LOXHD1: variants seen among roughly 807,000 people sequenced by gnomAD.
The protein encoded by LOXHD1 is lipoxygenase homology PLAT domains 1.
In LOXHD1, 205 loss-of-function variants were observed where a neutral mutation model predicts 248.2. The ratio of observed to expected loss-of-function variants is 0.83; its 90% confidence interval spans 0.74 to 0.93. The LOEUF is 0.93. Among genes scored for constraint, LOXHD1 ranks in the 40% least tolerant of loss-of-function variants. The pLI, the probability that LOXHD1 is intolerant of heterozygous loss-of-function variation, is 0.00. For synonymous variants in LOXHD1, 1,113 were observed against 1,162.8 expected (o/e 0.96, Z 0.87); for missense variants, 2,930 against 2,971.6 (o/e 0.99, Z 0.33).
At chr18:46,590,034 C>G (rs2038136380) in intron 12 of LOXHD1, among the ~76,000 whole-genome samples, 1 of 152,152 alleles carries the variant, frequency 6.6e-6, no homozygotes, top group Admixed American at 6.5e-5. Flanking sequence ...ACCAACAAGA[C>G]TAGGGGAAGG....
chr18:46,542,703 G>T (rs1215223614), intron 24 of LOXHD1, 24 bp downstream of exon 24: 1 of 1,551,286 alleles, frequency 6.4e-7, no homozygotes, highest in Admixed American at 2.0e-5. Context: ...TCTTAGCAAG[G>T]AACAGAGGGG....
chr18:46,646,239 C>T (rs909651431), intron 2 of LOXHD1, among the ~76,000 whole-genome samples: 1 of 152,106 alleles, frequency 6.6e-6, no homozygotes, highest in Non-Finnish European at 1.5e-5. Context: ...TCAGCCAGAT[C>T]CCAGGATGGG....
intron 37 of LOXHD1, among the ~76,000 whole-genome samples, chr18:46,501,872 C>A (rs1445269330): frequency 4.6e-5 from 7 of 152,300 alleles, no homozygotes; most frequent in African/African-American, 1.7e-4. Context: ...GAAGAGGACA[C>A]ATCAGGTAGG....
chr18:46,538,892 G>C (rs1257749558), intron 25 of LOXHD1, among the ~76,000 whole-genome samples: 1 of 152,148 alleles, frequency 6.6e-6, no homozygotes, highest in Non-Finnish European at 1.5e-5. Context: ...TGGCCTGCCT[G>C]CCCCAACCCA....
chr18:46,526,984 A>T (rs2035856391), intron 29 of LOXHD1, among the ~76,000 whole-genome samples: 1 of 152,218 alleles, frequency 6.6e-6, no homozygotes, highest in African/African-American at 2.4e-5. Context: ...GATGTTCAGC[A>T]GTGAACTTAA....
intron 21 of LOXHD1, among the ~76,000 whole-genome samples, chr18:46,551,727 TAA>T (rs1402996650): frequency 6.6e-6 from 1 of 152,150 alleles, no homozygotes; most frequent in Admixed American, 6.5e-5. Flanking sequence ...CACAATCTTG[TAA>T]AAAGAGTAGT....
chr18:46,603,379 G>A (rs2038367501), intron 7 of LOXHD1, among the ~76,000 whole-genome samples: 1 of 152,076 alleles, frequency 6.6e-6, no homozygotes, highest in Non-Finnish European at 1.5e-5. Flanking sequence ...AAGACTCTGT[G>A]GGTAGGATGA....
chr18:46,522,315 A>G lies in LOXHD1; in HGVS notation c.4877-6T>C. 1 of 1,551,316 alleles carries G rather than the reference A, an allele frequency of 6.4e-7. No homozygotes were observed. Among genetic ancestry groups the G allele is most frequent in the Non-Finnish European group, 8.7e-7 (1 of 1,146,574 alleles). On this transcript the variant is annotated splice_polypyrimidine_tract_variant and splice_region_variant and intron_variant, in intron 31 of 40. Coordinates refer to ENST00000642948, the MANE Select transcript of LOXHD1 (RefSeq NM_001384474.1). Reference sequence around the variant, plus strand: ...TGACACATAGTAGGGAATAACTGCAAGAGATCACGGGGCTCAGGTTCATAA... The same window carrying G: ...TGACACATAGTAGGGAATAACTGCAGGAGATCACGGGGCTCAGGTTCATAA...
At chr18:46,562,462 GC>G (rs2144030609) in intron 18 of LOXHD1, among the ~76,000 whole-genome samples, 1 of 152,286 alleles carries the variant, frequency 6.6e-6, no homozygotes, top group East Asian at 1.9e-4. Context: ...CCAACACCAT[GC>G]CCACATTCTT....
At chr18:46,606,268 G>C (rs2038411458) in intron 6 of LOXHD1, among the ~76,000 whole-genome samples, 1 of 152,044 alleles carries the variant, frequency 6.6e-6, no homozygotes, top group Non-Finnish European at 1.5e-5. Flanking sequence ...AATAATCACA[G>C]ATGTGCATAA....
chr18:46,477,968 G>A lies in LOXHD1; in HGVS notation c.6342-16C>T. 1.3e-6 allele frequency: 2 copies of A among 1,543,026 alleles called. No homozygotes were observed. The highest frequency in any genetic ancestry group is 1.7e-4 in the Middle Eastern group (1 of 5,850). On this transcript the variant is annotated splice_polypyrimidine_tract_variant and intron_variant, in intron 40 of 40. Coordinates refer to ENST00000642948, the MANE Select transcript of LOXHD1 (RefSeq NM_001384474.1). ...AAAGAAGTACCTGGCAGAGAGGTGGGAGAGTGGAGGGGTAGGGGCTAAGCA... is the reference window on the plus strand; with the variant it reads ...AAAGAAGTACCTGGCAGAGAGGTGGAAGAGTGGAGGGGTAGGGGCTAAGCA...
At chr18:46,603,313 G>A (rs1194110609) in intron 7 of LOXHD1, among the ~76,000 whole-genome samples, 1 of 152,188 alleles carries the variant, frequency 6.6e-6, no homozygotes, top group East Asian at 1.9e-4. Flanking sequence ...AGGCATGGGA[G>A]CAAGATGGAG....
chr18:46,581,917 A>G (rs1004837817), intron 12 of LOXHD1, among the ~76,000 whole-genome samples: 2 of 152,258 alleles, frequency 1.3e-5, no homozygotes, highest in African/African-American at 2.4e-5. Context: ...TGTGCAGATC[A>G]TTAACCAAGA....
intron 34 of LOXHD1, among the ~76,000 whole-genome samples, chr18:46,514,662 C>T (rs2144033130): frequency 6.6e-6 from 1 of 152,248 alleles, no homozygotes; most frequent in South Asian, 2.1e-4. Context: ...TGAGCTCAGC[C>T]TCTTTCCATG....
chr18:46,503,431 C>A (rs570653910), intron 37 of LOXHD1, among the ~76,000 whole-genome samples: 1 of 152,166 alleles, frequency 6.6e-6, no homozygotes, highest in Non-Finnish European at 1.5e-5. Context: ...TGCTTTCACA[C>A]TTGTCTTGAC....
intron 21 of LOXHD1, among the ~76,000 whole-genome samples, chr18:46,552,251 T>TA (rs1209318182): frequency 3.3e-5 from 5 of 152,008 alleles, no homozygotes; most frequent in Non-Finnish European, 7.4e-5. Flanking sequence ...CTTGAGGCAG[T>TA]AAAAAAACAA....
intron 8 of LOXHD1, among the ~76,000 whole-genome samples, chr18:46,596,080 TTTTG>T (rs1436928568): frequency 2.0e-5 from 3 of 152,142 alleles, no homozygotes; most frequent in African/African-American, 4.8e-5. Flanking sequence ...TATCTCAGGA[TTTTG>T]TTTGTTTTAT....
chr18:46,594,235 T>G, intron 9 of LOXHD1, 96 bp downstream of exon 9: 1 of 1,452,736 alleles, frequency 6.9e-7, no homozygotes, highest in Non-Finnish European at 9.3e-7. Context: ...GAAGCAGGAG[T>G]GGACTGCCCT....
Position 46,521,292 on chromosome 18 carries a change from G to T in LOXHD1, c.5086-10C>A. ...CCCCGTCATGGCCCAGCTAGGAGGA[G>T]ACACACCTGATCTGTGACGATCTGG... is the stretch of plus-strand genomic sequence containing the variant. On this transcript the variant is annotated splice_polypyrimidine_tract_variant and intron_variant, in intron 32 of 40. Coordinates refer to ENST00000642948, the MANE Select transcript of LOXHD1 (RefSeq NM_001384474.1). 6.4e-7 allele frequency: 1 copy of T among 1,551,590 alleles called. No individual in the cohort carries two copies. The highest frequency in any genetic ancestry group is 1.2e-5 in the South Asian group (1 of 84,052).
Sources: allele counts gnomAD v4.1 joint callset (sites outside exome capture counted in the v4.1 genomes callset), GRCh38; gene constraint gnomAD v4.1.1; transcripts MANE v1.5; gene names NCBI Gene and HGNC (gene_info 2026-07-23, HGNC 2026-07-21).